Variants in FRMD4B observed in about 807,000 individuals in gnomAD.
The protein encoded by FRMD4B is FERM domain containing 4B.
In FRMD4B, 74 loss-of-function variants were observed where a neutral mutation model predicts 141.5. The ratio of observed to expected loss-of-function variants is 0.52; its 90% CI spans 0.43 to 0.63. FRMD4B has a LOEUF of 0.63. Ranked by LOEUF, FRMD4B falls within the 30% of genes least tolerant of loss-of-function variation. FRMD4B has a pLI of 0.00. For missense variants in FRMD4B, 1,366 were observed against 1,253.4 expected, an observed-to-expected ratio of 1.09 and a Z score of -1.36; for synonymous variants, 506 against 467.9, an observed-to-expected ratio of 1.08 and a Z score of -1.05.
chr3:69,175,288 G>A (rs1335584281), intron 22 of FRMD4B, among the ~76,000 whole-genome samples: 3 of 152,180 alleles, frequency 2.0e-5, no homozygotes, highest in Non-Finnish European at 4.4e-5. Flanking sequence ...TTGGTACCAT[G>A]GGTGTGGATT....
chr3:69,511,135 T>G (rs1706680033), intron 1 of FRMD4B, among the ~76,000 whole-genome samples: 1 of 152,234 alleles, frequency 6.6e-6, no homozygotes, highest in African/African-American at 2.4e-5. Flanking sequence ...TAAGGACATT[T>G]ACTGCATTAA....
chr3:69,388,402 C>T (rs1289254426), upstream of FRMD4B, among the ~76,000 whole-genome samples: 1 of 152,146 alleles, frequency 6.6e-6, no homozygotes, highest in Non-Finnish European at 1.5e-5. Flanking sequence ...TGGGAATTTG[C>T]TAGAGATGCA....
At chr3:69,360,383 A>G (rs1703438415) in intron 1 of FRMD4B, among the ~76,000 whole-genome samples, 2 of 152,186 alleles carry the variant, frequency 1.3e-5, no homozygotes, top group Non-Finnish European at 2.9e-5. Flanking sequence ...CATAACCCTA[A>G]ATACTTAAAA....
intron 2 of FRMD4B, among the ~76,000 whole-genome samples, chr3:69,416,140 A>C (rs1478963935): frequency 1.3e-5 from 2 of 152,218 alleles, no homozygotes; most frequent in Non-Finnish European, 2.9e-5. Context: ...ACTGTTTTGC[A>C]CGTGGTTCTG....
At chr3:69,496,818 T>C (rs1706408857) in intron 1 of FRMD4B, among the ~76,000 whole-genome samples, 1 of 152,146 alleles carries the variant, frequency 6.6e-6, no homozygotes, top group Admixed American at 6.5e-5. Flanking sequence ...TTTCAATTAA[T>C]TAATACTTTC....
intron 7 of FRMD4B, among the ~76,000 whole-genome samples, chr3:69,242,994 CAAAAAAA>C (rs34623002): frequency 3.6e-5 from 4 of 111,790 alleles, no homozygotes; most frequent in African/African-American, 1.5e-4. Context: ...AACTCTGTCT[CAAAAAAA>C]AAAAAAAAAA....
intron 5 of FRMD4B, among the ~76,000 whole-genome samples, chr3:69,257,890 G>A (rs936476310): frequency 2.6e-5 from 4 of 152,052 alleles, no homozygotes; most frequent in African/African-American, 4.8e-5. Context: ...GCAATGGTGC[G>A]ATCTCAGCTC....
chr3:69,198,609 T>C (rs2092932685), intron 12 of FRMD4B, 89 bp downstream of exon 12: 9 of 714,570 alleles, frequency 1.3e-5, no homozygotes, highest in South Asian at 1.1e-4. Flanking sequence ...TGAAAACATA[T>C]GTTCATATAA....
intron 3 of FRMD4B, among the ~76,000 whole-genome samples, chr3:69,302,820 C>T (rs975351799): frequency 6.6e-6 from 1 of 152,146 alleles, no homozygotes; most frequent in Non-Finnish European, 1.5e-5. Context: ...TGCCTGTAAT[C>T]CCAGCACTTT....
rs554383558 is a variant in FRMD4B, at chr3:69,521,612, C to T, written c.-129+20594G>A. ...CTTAGAACAAAATACAAATGCTCAA[C>T]CATGGCCTACAAGGCCATCTTTGAT... On this transcript the variant is annotated intron_variant, in intron 1 of 5. Coordinates refer to the FRMD4B transcript ENST00000459638. Among the ~76,000 whole-genome samples the T allele has an allele frequency of 5.9e-5, 9 of 152,298 alleles. No individual in the cohort carries two copies. The South Asian group carries it at 1.7e-3, about 28-fold the overall frequency.
intron 2 of FRMD4B, among the ~76,000 whole-genome samples, chr3:69,312,271 G>A (rs1701622905): frequency 6.6e-6 from 1 of 152,136 alleles, no homozygotes; most frequent in South Asian, 2.1e-4. Context: ...GATTCTTTCT[G>A]AACTTTGAGC....
intron 1 of FRMD4B, among the ~76,000 whole-genome samples, chr3:69,339,151 GT>G (rs1273979076): frequency 6.6e-6 from 1 of 152,048 alleles, no homozygotes; most frequent in African/African-American, 2.4e-5. Flanking sequence ...GTTCTACTCA[GT>G]TTCCTTTCAT....
chr3:69,313,315 T>C, intron 2 of FRMD4B, 137 bp downstream of exon 2: 1 of 717,822 alleles, frequency 1.4e-6, no homozygotes. Flanking sequence ...AGTCATTGGC[T>C]TTGAGGCAAA....
intron 1 of FRMD4B, chr3:69,433,000 T>TA (rs913618098): frequency 3.9e-5 from 6 of 152,212 alleles, no homozygotes; most frequent in Admixed American, 2.6e-4. Context: ...TTTGGCTTCT[T>TA]ACAGGATGCA....
intron 9 of FRMD4B, among the ~76,000 whole-genome samples, chr3:69,218,731 A>T (rs1245568707): frequency 6.6e-6 from 1 of 152,234 alleles, no homozygotes. Context: ...CTTTTGGGTC[A>T]TACTCATAAG....
In FRMD4B at chr3:69,169,564, C is replaced by T. The variant is rs182321212; in HGVS notation, c.*2297G>A. ...TAGAGATGGGGTTTCACCATGTTGTCCAGGCTGGTCTTGAACTCCTGAGCT... is the reference window on the plus strand; with the variant it reads ...TAGAGATGGGGTTTCACCATGTTGTTCAGGCTGGTCTTGAACTCCTGAGCT... On this transcript the variant is annotated 3_prime_UTR_variant, in exon 23 of 23. Coordinates refer to ENST00000398540, the MANE Select transcript of FRMD4B (RefSeq NM_015123.3). Among the ~76,000 whole-genome samples the T allele has an allele frequency of 6.6e-6, 1 of 152,066 alleles. No individual in the cohort carries two copies. The highest frequency in any genetic ancestry group is 2.4e-5 in the African/African-American group (1 of 41,504).
chr3:69,351,066 AG>A (rs1254009573), intron 1 of FRMD4B, among the ~76,000 whole-genome samples: 2 of 152,158 alleles, frequency 1.3e-5, no homozygotes. Context: ...GATCTACAAA[AG>A]CTTCCTTTAA....
chr3:69,316,259 G>T (rs1156498020), intron 1 of FRMD4B, among the ~76,000 whole-genome samples: 5 of 152,090 alleles, frequency 3.3e-5, no homozygotes, highest in African/African-American at 1.2e-4. Flanking sequence ...CCTTAATTCG[G>T]CAAAGCCAAG....
chr3:69,311,381 G>C, intron 2 of FRMD4B, 24 bp from the exon 3 acceptor site: 1 of 1,309,332 alleles, frequency 7.6e-7, no homozygotes. Flanking sequence ...AATCTGGTTA[G>C]AAGCAATTTG....
Sources: gnomAD v4.1 joint callset for allele counts (sites outside exome capture counted in the v4.1 genomes callset) on GRCh38, gnomAD v4.1.1 for gene constraint, MANE v1.5 for transcripts, NCBI Gene and HGNC (gene_info 2026-07-23, HGNC 2026-07-21) for gene names.